KCNK6: variants seen among roughly 807,000 people sequenced by gnomAD.
KCNK6 encodes the protein potassium two pore domain channel subfamily K member 6, also known as potassium channel subfamily K member 6.
A neutral mutation model predicts 21.9 loss-of-function variants in KCNK6; 20 were observed. That is an observed-to-expected ratio of 0.91 (90% confidence interval 0.64 to 1.32). The LOEUF (loss-of-function observed/expected upper bound fraction) is 1.32. Ranked by LOEUF, KCNK6 falls within the 40% of genes most tolerant of loss-of-function variation. The probability of loss-of-function intolerance (pLI) is 0.00; values close to 1 mark genes in which losing one functional copy is unlikely to be tolerated. For missense variants in KCNK6, 415 were observed against 433.1 expected, an observed-to-expected ratio of 0.96 and a Z score of 0.37; for synonymous variants, 210 against 218.0, an observed-to-expected ratio of 0.96 and a Z score of 0.32.
intron 1 of KCNK6, chr19:38,325,072 T>G (rs994138101): frequency 6.6e-6 from 1 of 151,940 alleles, no homozygotes; most frequent in Non-Finnish European, 1.5e-5. Context: ...ATGTGGGAGA[T>G]GGAGTTATTG....
At chr19:38,325,383 G>A (rs1969697285) in intron 1 of KCNK6, 1 of 985,120 alleles carries the variant, frequency 1.0e-6, no homozygotes, top group Non-Finnish European at 1.2e-6. Context: ...CCAAAGTGCT[G>A]GGATTACAGA....
chr19:38,326,317 G>A (rs1352490168), intron 1 of KCNK6, among the ~76,000 whole-genome samples: 1 of 152,164 alleles, frequency 6.6e-6, no homozygotes, highest in Non-Finnish European at 1.5e-5. Flanking sequence ...GGAAGGCAAA[G>A]GTGGGAGGAT....
At chr19:38,322,632 C>T (rs1600421866) in intron 1 of KCNK6, among the ~76,000 whole-genome samples, 1 of 152,184 alleles carries the variant, frequency 6.6e-6, no homozygotes, top group East Asian at 1.9e-4. Flanking sequence ...GCCTGACCAA[C>T]ATGGTGAAAC....
chr19:38,328,979 AAAAAG>A lies in KCNK6; in HGVS notation c.*1581_*1585del, dbSNP rs1969744961. ...GAAAAAGAAAGAAAAGTAAGAAAGA[AAAAAG>A]AAAAAGAAAGAAAAGTAAGAAAGAA... On this transcript the variant is annotated 3_prime_UTR_variant, in exon 3 of 3. Coordinates refer to ENST00000263372, the MANE Select transcript of KCNK6 (RefSeq NM_004823.3). 1 of 151,608 alleles carries A rather than the reference AAAAAG, an allele frequency of 6.6e-6. No individual in the cohort carries two copies. Among genetic ancestry groups the A allele is most frequent in the South Asian group, 2.1e-4 (1 of 4,806 alleles). The allele number at this position is 151,608 out of a possible 1,614,324, so 9.4% of individuals were successfully genotyped here. A position where few individuals can be genotyped will look rare whatever the true frequency, so the allele number is the denominator to read the frequency against.
chr19:38,323,473 T>G lies in KCNK6; in HGVS notation c.323-3120T>G, dbSNP rs187032957. ...TGCACTTGAGGCAGGAGGAAGCGGGTAGTCCTACCCGGAACTGGGAATCGG... is the reference window on the plus strand; with the variant it reads ...TGCACTTGAGGCAGGAGGAAGCGGGGAGTCCTACCCGGAACTGGGAATCGG... On this transcript the variant is annotated intron_variant, in intron 1 of 2. Transcript: ENST00000263372. 1.1e-3 allele frequency among the ~76,000 whole-genome samples: 168 copies of G among 152,324 alleles called. 1 individual carries two copies. Among genetic ancestry groups the G allele is most frequent in the Middle Eastern group, 0.01 (3 of 294 alleles).
In KCNK6 at chr19:38,326,700, C is replaced by T. The variant is rs540398465; in HGVS notation, c.430C>T (p.Arg144Cys). The change falls in exon 2 of 3, where the codon CGC (arginine) becomes TGC (cysteine). Residue 144 changes from arginine (R) to cysteine (C), a missense_variant. Physicochemically the swap from Arg to Cys is radical, Grantham distance 180. Transcript: ENST00000263372. ...GCTGCTGCTGACCGCCTCAGCCCAG[C>T]GCCTGTCACTGCTGCTGACTCACGT... ...TMLLLTASAQ[R>C]LSLLLTHVPL... is the part of the protein sequence containing the mutation. The T allele has an allele frequency of 1.6e-5, 26 of 1,605,692 alleles. No homozygotes were observed. Among genetic ancestry groups the T allele is most frequent in the South Asian group, 7.7e-5 (7 of 91,082 alleles).
In KCNK6 at chr19:38,320,027, C is replaced by A; in HGVS notation, c.77C>A (p.Ala26Glu). 1 of 1,491,882 alleles carries A rather than the reference C, an allele frequency of 6.7e-7. No individual in the cohort carries two copies. The highest frequency in any genetic ancestry group is 2.8e-5 in the East Asian group (1 of 36,336). 92.4% of individuals were successfully genotyped at this position (1,491,882 alleles called of 1,614,324 possible). The change falls in exon 1 of 3, where the codon GCG becomes GAG. Residue 26 changes from alanine to glutamate, a missense_variant. Ala to Glu is a moderately radical substitution (Grantham distance 107). Transcript: ENST00000263372. ...CTGGTGCTGGGCGCGCTGTTGGTGG[C>A]GCGGCTGGAGGGGCCGCACGAAGCC... ...AYLVLGALLVARLEGPHEARL... is the reference protein window; with the variant it reads ...AYLVLGALLVERLEGPHEARL...
At position 38,327,352 on chromosome 19, in the gene KCNK6, C is replaced by G. The variant is rs546003759; in HGVS notation, c.891C>G (p.His297Gln). Residue 297 changes from histidine to glutamine, a missense_variant, in exon 3 of 3, where the codon CAC (histidine) becomes CAG (glutamine). Transcript: ENST00000263372. ...TCCTGGGCCCCCAGCCGGAGTCGCA[C>G]CAGCAACTCTCTGCCAGCTCCCACA... Reference protein sequence around the residue: ...VDILGPQPESHQQLSASSHTD... With the variant: ...VDILGPQPESQQQLSASSHTD... 3.1e-6 allele frequency: 5 copies of G among 1,612,428 alleles called. No homozygotes were observed. The African/African-American group carries it at 6.7e-5, about 21-fold the overall frequency.
intron 1 of KCNK6, among the ~76,000 whole-genome samples, chr19:38,320,709 C>T (rs1969642209): frequency 1.3e-5 from 2 of 152,142 alleles, no homozygotes; most frequent in Admixed American, 6.5e-5. Flanking sequence ...CAGGCACATA[C>T]CACCATGCCT....
intron 1 of KCNK6, among the ~76,000 whole-genome samples, chr19:38,322,131 T>C (rs1229823409): frequency 6.6e-6 from 1 of 152,158 alleles, no homozygotes; most frequent in East Asian, 1.9e-4. Flanking sequence ...CTAGAGAAGT[T>C]GGGTAACTTT....
intron 1 of KCNK6, among the ~76,000 whole-genome samples, chr19:38,324,450 C>T (rs954040852): frequency 3.0e-4 from 46 of 152,302 alleles, no homozygotes; most frequent in African/African-American, 1.0e-3. Flanking sequence ...CCCTGGTGTT[C>T]CTGCCTAACT....
At position 38,328,255 on chromosome 19, in the gene KCNK6, C is replaced by G. The variant is rs1301707254; in HGVS notation, c.*852C>G. On this transcript the variant is annotated 3_prime_UTR_variant, in exon 3 of 3. Coordinates refer to ENST00000263372, the MANE Select transcript of KCNK6 (RefSeq NM_004823.3). ...CTCAGGTGTCTCCAGGGAGCAGGACCCATGGAGGGACCCCTGGTGTAGGCC... is the reference window on the plus strand; with the variant it reads ...CTCAGGTGTCTCCAGGGAGCAGGACGCATGGAGGGACCCCTGGTGTAGGCC... 1 of 152,242 alleles carries G rather than the reference C, an allele frequency of 6.6e-6. No homozygotes were observed. 9.4% of individuals were successfully genotyped at this position (152,242 alleles called of 1,614,324 possible).
In KCNK6 at chr19:38,320,896, C is replaced by G. The variant is rs1011144059; in HGVS notation, c.322+624C>G. ...TCTTAATCCTCTTGGTGACCCGGGT[C>G]TGTCCAGCCCCCTCTAAGCCTAGGA... is the stretch of plus-strand genomic sequence containing the variant. On this transcript the variant is annotated intron_variant, in intron 1 of 2. Coordinates refer to ENST00000263372, the MANE Select transcript of KCNK6 (RefSeq NM_004823.3). Among the ~76,000 whole-genome samples the G allele has an allele frequency of 9.9e-5, 15 of 152,266 alleles. No homozygotes were observed. The East Asian group carries it at 2.9e-3, about 29-fold the overall frequency.
At position 38,327,732 on chromosome 19, in the gene KCNK6, G is replaced by T; in HGVS notation, c.*329G>T. Reference sequence around the variant, plus strand: ...GTCTCTGTTTCTCATTCTCTTTCATGTTCCGTCTGTGTCTCTCAATTAACC... The same window carrying T: ...GTCTCTGTTTCTCATTCTCTTTCATTTTCCGTCTGTGTCTCTCAATTAACC... On this transcript the variant is annotated 3_prime_UTR_variant, in exon 3 of 3. Transcript: ENST00000263372. 5.5e-6 allele frequency: 2 copies of T among 364,694 alleles called. No homozygotes were observed. Among genetic ancestry groups the T allele is most frequent in the Non-Finnish European group, 1.0e-5 (2 of 194,156 alleles). 22.6% of individuals were successfully genotyped at this position (364,694 alleles called of 1,614,324 possible).
Position 38,327,364 on chromosome 19 carries a change from T to C in KCNK6, c.903T>C (p.Ser301=). The change falls in exon 3 of 3, where the codon TCT becomes TCC. Residue 301 remains serine, a synonymous_variant. Coordinates refer to ENST00000263372, the MANE Select transcript of KCNK6 (RefSeq NM_004823.3). The stretch of plus-strand genomic sequence containing the variant: ...AGCCGGAGTCGCACCAGCAACTCTC[T>C]GCCAGCTCCCACACCGACTACGCTT... ...GPQPESHQQL[S]ASSHTDYASI... The C allele has an allele frequency of 6.8e-6, 11 of 1,611,846 alleles. No individual in the cohort carries two copies. Among genetic ancestry groups the C allele is most frequent in the South Asian group, 5.5e-5 (5 of 91,090 alleles).
chr19:38,320,625 C>G (rs1408358184), intron 1 of KCNK6, among the ~76,000 whole-genome samples: 1 of 151,772 alleles, frequency 6.6e-6, no homozygotes, highest in Non-Finnish European at 1.5e-5. Flanking sequence ...GTGGCACGAT[C>G]TCGGATCACG....
chr19:38,327,126 C>T lies in KCNK6; in HGVS notation c.719-54C>T, dbSNP rs181505953. On this transcript the variant is annotated intron_variant, in intron 2 of 2. Coordinates refer to ENST00000263372, the MANE Select transcript of KCNK6 (RefSeq NM_004823.3). ...GCAGGGTCCAGTAGAACTGCGGCCC[C>T]GCCTGGAAAATCTGAGCCCCAGGAT... 2.3e-3 allele frequency: 3,622 copies of T among 1,593,744 alleles called. 7 individuals are homozygous for T. Among genetic ancestry groups the T allele is most frequent in the Non-Finnish European group, 2.9e-3 (3,401 of 1,172,246 alleles).
chr19:38,327,845 C>T lies in KCNK6; in HGVS notation c.*442C>T. 1 of 202,596 alleles carries T rather than the reference C, an allele frequency of 4.9e-6. No individual in the cohort carries two copies. The highest frequency in any genetic ancestry group is 1.0e-5 in the Non-Finnish European group (1 of 97,762). The allele number at this position is 202,596 out of a possible 1,614,324, so 12.5% of individuals were successfully genotyped here. Reference sequence around the variant, plus strand: ...TCGCTACACCCTGGACAAGTGACTGCCCGTCTCTGAGCCTTGATTTCCTCA... The same window carrying T: ...TCGCTACACCCTGGACAAGTGACTGTCCGTCTCTGAGCCTTGATTTCCTCA... On this transcript the variant is annotated 3_prime_UTR_variant, in exon 3 of 3. Transcript: ENST00000263372.
chr19:38,324,963 T>C (rs1969691429), intron 1 of KCNK6: 1 of 151,994 alleles, frequency 6.6e-6, no homozygotes, highest in South Asian at 2.1e-4. Context: ...ATCTTAGTCA[T>C]TTTTAAGGGT....
Sources: allele counts gnomAD v4.1 joint callset (sites outside exome capture counted in the v4.1 genomes callset), GRCh38; gene constraint gnomAD v4.1.1; transcripts MANE v1.5; gene names NCBI Gene and HGNC (gene_info 2026-07-23, HGNC 2026-07-21).